Variants in NRXN1 observed in about 807,000 individuals in gnomAD.
The protein encoded by NRXN1 is neurexin-1.
A neutral mutation model predicts 150.9 loss-of-function variants in NRXN1; 39 were observed. The ratio of observed to expected loss-of-function variants is 0.26; its 90% CI spans 0.20 to 0.34. The LOEUF (loss-of-function observed/expected upper bound fraction) is 0.34, where lower values mean the gene tolerates loss of function less well. NRXN1 is among the 10% of genes least tolerant of loss of function. The probability of loss-of-function intolerance (pLI) is 1.00; values close to 1 mark genes in which losing one functional copy is unlikely to be tolerated. For missense variants in NRXN1, 1,815 were observed against 1,949.9 expected (o/e 0.93, Z 1.30); for synonymous variants, 924 against 757.0 (o/e 1.22, Z -3.62).
At chr2:50,213,537 G>C (rs1004969332) in intron 18 of NRXN1, among the ~76,000 whole-genome samples, 2 of 151,758 alleles carry the variant, frequency 1.3e-5, no homozygotes, top group Non-Finnish European at 2.9e-5. Context: ...TGGAAGTTTC[G>C]TTAGTCCAGG....
At chr2:50,107,517 C>CTATATATATATATA (rs1333614060) in intron 18 of NRXN1, among the ~76,000 whole-genome samples, 4 of 123,822 alleles carry the variant, frequency 3.2e-5, no homozygotes, top group African/African-American at 6.4e-5. Context: ...ACATTCCAGA[C>CTATATATATATATA]TACATATATA....
intron 12 of NRXN1, among the ~76,000 whole-genome samples, chr2:50,521,641 A>G (rs1348276132): frequency 6.6e-6 from 1 of 152,208 alleles, no homozygotes; most frequent in Non-Finnish European, 1.5e-5. Flanking sequence ...TGACTTATGT[A>G]CCACATGTTA....
At chr2:50,268,711 G>C (rs2069188631) in intron 17 of NRXN1, among the ~76,000 whole-genome samples, 2 of 152,090 alleles carry the variant, frequency 1.3e-5, no homozygotes, top group South Asian at 4.1e-4. Context: ...TGAGATCTTT[G>C]CTTTTCAATT....
intron 18 of NRXN1, among the ~76,000 whole-genome samples, chr2:50,099,487 T>G (rs1700716091): frequency 6.6e-6 from 1 of 152,138 alleles, no homozygotes; most frequent in Admixed American, 6.5e-5. Flanking sequence ...TTTCAGAACA[T>G]TTGCATCATG....
At chr2:50,029,059 A>G (rs1688796203) in intron 21 of NRXN1, among the ~76,000 whole-genome samples, 1 of 152,214 alleles carries the variant, frequency 6.6e-6, no homozygotes, top group African/African-American at 2.4e-5. Flanking sequence ...TAGGAGGTGA[A>G]GTCTTTGAGC....
chr2:50,116,901 C>T (rs1030869355), intron 18 of NRXN1, among the ~76,000 whole-genome samples: 1 of 152,034 alleles, frequency 6.6e-6, no homozygotes, highest in Admixed American at 6.6e-5. Flanking sequence ...GAGATGCGAC[C>T]AACTAAAAAT....
chr2:50,607,931 T>A (rs572275948), intron 8 of NRXN1, among the ~76,000 whole-genome samples: 36 of 152,054 alleles, frequency 2.4e-4, no homozygotes, highest in Non-Finnish European at 5.0e-4. Context: ...ATTATCCCTA[T>A]AAGAGTCCTC....
intron 17 of NRXN1, chr2:50,463,938 A>AT (rs1013930003): frequency 1.5e-4 from 23 of 151,774 alleles, no homozygotes; most frequent in African/African-American, 5.1e-4. Context: ...CTTAACAAGT[A>AT]TTCAGTCTTC....
In NRXN1 at chr2:50,623,468, G is replaced by C; in HGVS notation, c.980C>G (p.Ser327Trp). 6.2e-7 allele frequency: 1 copy of C among 1,613,426 alleles called. No homozygotes were observed. Among genetic ancestry groups the C allele is most frequent in the South Asian group, 1.1e-5 (1 of 91,078 alleles). The change falls in exon 6 of 23, where the codon TCG becomes TGG. Residue 327 changes from serine (S) to tryptophan (W), a missense_variant. Around this residue, in one of 6 missense-constraint regions of NRXN1, gnomAD observed 554 missense variants for 478.8 expected, o/e 1.16. Coordinates refer to ENST00000401669, the MANE Select transcript of NRXN1 (RefSeq NM_001330078.2). Reference sequence around the variant, plus strand: ...CAGGGCAAGATTGACATAATCAGCCGATTTCCCAGTGTGAAGCATCAGTCC... The same window carrying C: ...CAGGGCAAGATTGACATAATCAGCCCATTTCCCAGTGTGAAGCATCAGTCC... Reference protein sequence around the residue: ...RNGLMLHTGKSADYVNLALKN... With the variant: ...RNGLMLHTGKWADYVNLALKN...
At chr2:50,498,720 A>T (rs2091782066) in intron 13 of NRXN1, among the ~76,000 whole-genome samples, 1 of 152,226 alleles carries the variant, frequency 6.6e-6, no homozygotes, top group African/African-American at 2.4e-5. Flanking sequence ...TCTAAATATT[A>T]AAACACAACA....
rs556991485 is a variant in NRXN1, at chr2:50,891,417, A to G, written c.832+30452T>C. Among the ~76,000 whole-genome samples, 196 of 152,080 alleles carry G rather than the reference A, an allele frequency of 1.3e-3. 1 individual carries two copies. Among genetic ancestry groups the G allele is most frequent in the Non-Finnish European group, 2.2e-3 (151 of 67,976 alleles). Reference sequence around the variant, plus strand: ...AACCTTCTTTCCTTTTTCACTTTATAGTAGACATAAATGGAATTGTTCTGT... The same window carrying G: ...AACCTTCTTTCCTTTTTCACTTTATGGTAGACATAAATGGAATTGTTCTGT... On this transcript the variant is annotated intron_variant, in intron 5 of 22. Transcript: ENST00000401669.
intron 21 of NRXN1, among the ~76,000 whole-genome samples, chr2:49,984,416 T>C (rs1185605105): frequency 6.6e-6 from 1 of 152,130 alleles, no homozygotes; most frequent in Non-Finnish European, 1.5e-5. Flanking sequence ...AACAGGTGTT[T>C]TAAAAACAAA....
chr2:50,234,024 T>TTTCC lies in NRXN1; in HGVS notation c.3546+2761_3546+2764dup, dbSNP rs371543847. On this transcript the variant is annotated intron_variant, in intron 18 of 22. Coordinates refer to ENST00000401669, the MANE Select transcript of NRXN1 (RefSeq NM_001330078.2). ...CTTCCCTCCCTTTCTTTCTTTCTTC[T>TTTCC]TTCCTTCCTTCCTTTCTTCTTGGCT... Among the ~76,000 whole-genome samples, 1,281 of 152,184 alleles carry TTTCC rather than the reference T, an allele frequency of 8.4e-3. 21 individuals are homozygous for TTTCC. Among genetic ancestry groups the TTTCC allele is most frequent in the African/African-American group, 0.03 (1,235 of 41,540 alleles).
chr2:50,121,872 T>G (rs1189870033), intron 18 of NRXN1, among the ~76,000 whole-genome samples: 1 of 152,190 alleles, frequency 6.6e-6, no homozygotes, highest in African/African-American at 2.4e-5. Context: ...TAGAGGTCAA[T>G]AAAGCTATGG....
chr2:50,571,577 G>C (rs1246132020), intron 8 of NRXN1, among the ~76,000 whole-genome samples: 5 of 151,894 alleles, frequency 3.3e-5, no homozygotes, highest in African/African-American at 4.8e-5. Flanking sequence ...TTTCGGATCT[G>C]CTAAGATATT....
chr2:50,518,498 C>G (rs1270565916), intron 12 of NRXN1, among the ~76,000 whole-genome samples: 2 of 151,712 alleles, frequency 1.3e-5, no homozygotes, highest in Non-Finnish European at 2.9e-5. Flanking sequence ...TATAGTAATA[C>G]TCATTTAATG....
chr2:50,645,206 T>G (rs1382207784), intron 5 of NRXN1, among the ~76,000 whole-genome samples: 1 of 152,000 alleles, frequency 6.6e-6, no homozygotes, highest in African/African-American at 2.4e-5. Flanking sequence ...CTTGATTGAC[T>G]GATTTTGATG....
At chr2:50,751,072 A>G (rs1700538269) in intron 5 of NRXN1, among the ~76,000 whole-genome samples, 1 of 151,966 alleles carries the variant, frequency 6.6e-6, no homozygotes. Context: ...GGTAGTACCT[A>G]AAGTCTACCT....
At chr2:50,518,912 G>GA (rs5831129) in intron 12 of NRXN1, among the ~76,000 whole-genome samples, 130,932 of 151,632 alleles carry the variant, frequency 0.86, 56,808 homozygotes, top group African/African-American at 0.92. Context: ...GCATATTAGA[G>GA]AAAAAAACCC....
Sources: gnomAD v4.1 joint callset for allele counts (sites outside exome capture counted in the v4.1 genomes callset) on GRCh38, gnomAD v4.1.1 for gene constraint, gnomAD v4.1.1 regional missense constraint, MANE v1.5 for transcripts, NCBI Gene and HGNC (gene_info 2026-07-23, HGNC 2026-07-21) for gene names.